MYRIP: variants seen among roughly 807,000 people sequenced by gnomAD.
MYRIP encodes myosin VIIA and Rab interacting protein.
Under a neutral mutation model 98.0 loss-of-function variants are expected in MYRIP, and 49 were observed. The observed-to-expected ratio is 0.50, with a 90% CI of 0.40 to 0.63. MYRIP has a LOEUF of 0.63. MYRIP is among the 30% of genes least tolerant of loss of function. The probability of loss-of-function intolerance (pLI) is 0.00; values close to 1 mark genes in which losing one functional copy is unlikely to be tolerated. For synonymous variants in MYRIP, 404 were observed against 409.5 expected, an observed-to-expected ratio of 0.99 and a Z score of 0.16; for missense variants, 1,004 against 1,058.2, an observed-to-expected ratio of 0.95 and a Z score of 0.71.
intron 3 of MYRIP, among the ~76,000 whole-genome samples, chr3:40,133,432 G>A (rs115100978): frequency 5.3e-5 from 8 of 152,232 alleles, no homozygotes; most frequent in African/African-American, 1.7e-4. Flanking sequence ...CTTGATGGAT[G>A]CTTAACTTAG....
chr3:39,849,080 AG>A (rs1410088079), intron 1 of MYRIP, among the ~76,000 whole-genome samples: 3 of 152,226 alleles, frequency 2.0e-5, no homozygotes, highest in Non-Finnish European at 2.9e-5. Flanking sequence ...TAGGATGTAG[AG>A]GGTACATCTG....
chr3:40,237,819 G>A (rs1486288795), intron 12 of MYRIP, among the ~76,000 whole-genome samples: 1 of 152,240 alleles, frequency 6.6e-6, no homozygotes, highest in Non-Finnish European at 1.5e-5. Context: ...CCAAAAAACA[G>A]TGTGTGAAAT....
intron 11 of MYRIP, among the ~76,000 whole-genome samples, chr3:40,217,754 C>T (rs1301742112): frequency 1.3e-5 from 2 of 152,088 alleles, no homozygotes; most frequent in African/African-American, 4.8e-5. Flanking sequence ...TGAAGCCCAT[C>T]CATAAACCCC....
chr3:40,244,809 C>G (rs1953137242), intron 13 of MYRIP, among the ~76,000 whole-genome samples: 1 of 152,182 alleles, frequency 6.6e-6, no homozygotes, highest in Non-Finnish European at 1.5e-5. Context: ...ATTAAAGTCT[C>G]GATAATATAT....
intron 4 of MYRIP, among the ~76,000 whole-genome samples, 189 bp from the exon 5 acceptor site, chr3:40,162,538 TGAG>T (rs1464285306): frequency 1.3e-5 from 2 of 152,314 alleles, no homozygotes; most frequent in East Asian, 3.9e-4. Flanking sequence ...GGAATCAGTG[TGAG>T]AAGAAAAAAG....
chr3:40,041,022 G>GAAAAAAAAA, intron 2 of MYRIP, among the ~76,000 whole-genome samples: 6 of 41,208 alleles, frequency 1.5e-4, no homozygotes, highest in Non-Finnish European at 2.3e-4. Context: ...ATTACCAGCA[G>GAAAAAAAAA]AAAAAAAAAA....
intron 2 of MYRIP, among the ~76,000 whole-genome samples, chr3:39,920,716 T>G (rs1267568498): frequency 1.3e-5 from 2 of 152,212 alleles, no homozygotes; most frequent in Admixed American, 1.3e-4. Context: ...CAGGGGAAGC[T>G]TTTTCAGTAT....
chr3:40,175,791 A>G (rs1046740713), intron 8 of MYRIP, among the ~76,000 whole-genome samples: 13 of 152,244 alleles, frequency 8.5e-5, no homozygotes, highest in Admixed American at 7.2e-4. Context: ...ATTTCAGACC[A>G]CTGGTCTAGG....
intron 3 of MYRIP, among the ~76,000 whole-genome samples, chr3:40,137,801 T>G (rs938315246): frequency 1.3e-5 from 2 of 152,096 alleles, no homozygotes; most frequent in African/African-American, 4.8e-5. Flanking sequence ...AATAAGCAAG[T>G]GAGTGAACAA....
intron 1 of MYRIP, among the ~76,000 whole-genome samples, chr3:39,887,960 C>A (rs546351410): frequency 1.0e-3 from 158 of 151,080 alleles, no homozygotes; most frequent in African/African-American, 3.7e-3. Flanking sequence ...ACCTAGGAAT[C>A]CAACTTACAA....
At chr3:40,130,427 G>C (rs1039279829) in intron 3 of MYRIP, among the ~76,000 whole-genome samples, 1 of 151,018 alleles carries the variant, frequency 6.6e-6, no homozygotes, top group African/African-American at 2.4e-5. Flanking sequence ...GCCCAGGCGG[G>C]AGTGCAGTGG....
rs760736279 is a variant in MYRIP, at chr3:40,151,074, G to C, written c.359G>C (p.Trp120Ser). The change falls in exon 4 of 17, where the codon TGG becomes TCG. Residue 120 changes from tryptophan (W) to serine (S), a missense_variant. This residue lies in a region of MYRIP where 880 missense variants were observed against 907.7 expected (regional missense o/e 0.97). Transcript: ENST00000302541. ...CTTCTGAGGGCCCAATCTCTGGAAT[G>C]GTTCTACAATAATGTGAAGAGCCGC... ...ARLLRAQSLEWFYNNVKSRFK... is the reference protein window; with the variant it reads ...ARLLRAQSLESFYNNVKSRFK... 2 of 1,600,578 alleles carry C rather than the reference G, an allele frequency of 1.2e-6. No homozygotes were observed. The highest frequency in any genetic ancestry group is 1.7e-6 in the Non-Finnish European group (2 of 1,172,094).
rs187460982 is a variant in MYRIP at position 39,827,077 on chromosome 3, G to A, written c.-31+17161G>A. ...AGGTAAGGTGAGTTTCTTGTATACA[G>A]CATATAGTAGGGTTTTGCATTTTAA... On this transcript the variant is annotated intron_variant, in intron 1 of 16. Coordinates refer to ENST00000302541, the MANE Select transcript of MYRIP (RefSeq NM_015460.4). Among the ~76,000 whole-genome samples, 6 of 152,084 alleles carry A rather than the reference G, an allele frequency of 3.9e-5. No individual in the cohort carries two copies. The East Asian group carries it at 1.2e-3, about 29-fold the overall frequency.
At chr3:40,240,217 T>C (rs1018774588) in intron 12 of MYRIP, among the ~76,000 whole-genome samples, 2 of 152,050 alleles carry the variant, frequency 1.3e-5, no homozygotes, top group Admixed American at 6.5e-5. Flanking sequence ...CAGATAGTTG[T>C]AGATATGCGG....
chr3:40,218,631 T>TA (rs1279442319), intron 11 of MYRIP, among the ~76,000 whole-genome samples: 5 of 13,918 alleles, frequency 3.6e-4, no homozygotes, highest in African/African-American at 4.3e-4. Context: ...TATATATATA[T>TA]ATATATATAT....
intron 3 of MYRIP, among the ~76,000 whole-genome samples, chr3:40,045,975 A>T (rs1420887163): frequency 3.9e-5 from 6 of 152,276 alleles, no homozygotes; most frequent in Middle Eastern, 6.8e-3. Flanking sequence ...AAATTGGAAA[A>T]AATGAAAATT....
chr3:39,842,412 C>A (rs1443425462), intron 1 of MYRIP, among the ~76,000 whole-genome samples: 1 of 152,192 alleles, frequency 6.6e-6, no homozygotes, highest in Non-Finnish European at 1.5e-5. Flanking sequence ...GGGTTGGGAT[C>A]TGCTGAGCTA....
intron 10 of MYRIP, among the ~76,000 whole-genome samples, chr3:40,206,793 G>A (rs2125660407): frequency 6.6e-6 from 1 of 152,284 alleles, no homozygotes; most frequent in South Asian, 2.1e-4. Flanking sequence ...GATGTAGACT[G>A]AATCACAGCA....
At chr3:40,024,974 T>G (rs1212178695) in intron 2 of MYRIP, among the ~76,000 whole-genome samples, 1 of 152,216 alleles carries the variant, frequency 6.6e-6, no homozygotes, top group Admixed American at 6.5e-5. Context: ...CTTATTTATT[T>G]CTGCAACAAG....
Sources: gnomAD v4.1 joint callset for allele counts (sites outside exome capture counted in the v4.1 genomes callset) on GRCh38, gnomAD v4.1.1 for gene constraint, gnomAD v4.1.1 regional missense constraint, MANE v1.5 for transcripts, NCBI Gene and HGNC (gene_info 2026-07-23, HGNC 2026-07-21) for gene names.